Variants in C20orf96 observed in about 807,000 individuals in gnomAD.
The protein encoded by C20orf96 is chromosome 20 open reading frame 96, also known as uncharacterized protein C20orf96.
A neutral mutation model predicts 52.6 loss-of-function variants in C20orf96; 57 were observed. That is an observed-to-expected ratio of 1.08 (90% CI 0.88 to 1.35). The LOEUF (loss-of-function observed/expected upper bound fraction) is 1.35, where lower values mean the gene tolerates loss of function less well. Among genes scored for constraint, C20orf96 ranks in the 40% most tolerant of loss-of-function variants. The pLI, the probability that C20orf96 is intolerant of heterozygous loss-of-function variation, is 0.00. For synonymous variants in C20orf96, 168 were observed against 157.2 expected, an observed-to-expected ratio of 1.07 and a Z score of -0.51; for missense variants, 478 against 443.6, an observed-to-expected ratio of 1.08 and a Z score of -0.70.
rs755952776 is a variant in C20orf96 at position 276,811 on chromosome 20, G to A, written c.894C>T (p.Cys298=). Residue 298 remains cysteine, a synonymous_variant, in exon 9 of 11, where the codon TGC becomes TGT. Transcript: ENST00000360321. The part of the protein sequence containing the change: ...KMWESQDFLK[C]MQRFREIIDQ... ...CACGCACTTCTCTGAACCTTTGCAT[G>A]CATTTCAGGAAGTCCTGGCTTTCCC... The A allele has an allele frequency of 1.4e-5, 23 of 1,613,258 alleles. No individual in the cohort carries two copies. The highest frequency in any genetic ancestry group is 1.8e-5 in the Non-Finnish European group (21 of 1,179,636).
chr20:275,847 GCCCCT>G (rs202185362), intron 10 of C20orf96, 116 bp downstream of exon 10: 13,760 of 918,640 alleles, frequency 0.015, 131 homozygotes, highest in Non-Finnish European at 0.02. Context: ...ACCCAGGACC[GCCCCT>G]CCCTCCCTGT....
In C20orf96 at chr20:283,958, C is replaced by T. The variant is rs770965459; in HGVS notation, c.306+5G>A. On this transcript the variant is annotated splice_donor_5th_base_variant and intron_variant, in intron 4 of 10. Coordinates refer to ENST00000360321, the MANE Select transcript of C20orf96 (RefSeq NM_153269.3). ...CCCAGTGTCCAGGGAAGATGTGCCT[C>T]ATACCTTCATTAACCAGATTTTGGC... 4 of 1,600,768 alleles carry T rather than the reference C, an allele frequency of 2.5e-6. No homozygotes were observed. Among genetic ancestry groups the T allele is most frequent in the South Asian group, 1.1e-5 (1 of 90,778 alleles).
chr20:276,653 C>T (rs2012033631), intron 9 of C20orf96, 140 bp downstream of exon 9: 4 of 1,470,914 alleles, frequency 2.7e-6, no homozygotes, highest in East Asian at 2.5e-5. Context: ...GTAATGGCAC[C>T]GGCAAGGAGG....
chr20:281,953 C>A (rs2012265493), intron 4 of C20orf96, among the ~76,000 whole-genome samples: 1 of 152,156 alleles, frequency 6.6e-6, no homozygotes, highest in Non-Finnish European at 1.5e-5. Context: ...GATGACACAG[C>A]GAGACCCTGT....
intron 4 of C20orf96, among the ~76,000 whole-genome samples, chr20:281,121 A>C (rs1176281061): frequency 6.6e-6 from 1 of 152,068 alleles, no homozygotes; most frequent in Non-Finnish European, 1.5e-5. Flanking sequence ...ATGCCACCAC[A>C]CTCCAGCCCG....
At chr20:282,970 G>A (rs1276241245) in intron 4 of C20orf96, among the ~76,000 whole-genome samples, 1 of 152,010 alleles carries the variant, frequency 6.6e-6, no homozygotes, top group East Asian at 1.9e-4. Context: ...GGTTAAAGGG[G>A]AAAAAAAGGT....
chr20:278,105 G>T (rs2012088539), intron 6 of C20orf96, among the ~76,000 whole-genome samples: 1 of 152,234 alleles, frequency 6.6e-6, no homozygotes. Context: ...CTGAGTGTGT[G>T]CCTGTAACAA....
chr20:282,944 A>G (rs1314993368), intron 4 of C20orf96, among the ~76,000 whole-genome samples: 2 of 152,124 alleles, frequency 1.3e-5, no homozygotes, highest in East Asian at 1.9e-4. Context: ...CCTCTAAACC[A>G]TTTTGCAAGA....
intron 4 of C20orf96, among the ~76,000 whole-genome samples, chr20:281,906 G>A (rs1308373864): frequency 6.6e-6 from 1 of 152,188 alleles, no homozygotes; most frequent in East Asian, 1.9e-4. Flanking sequence ...GGTCCAGGCT[G>A]CAGTGAGCCA....
chr20:290,405 T>C, intron 1 of C20orf96, 98 bp from the exon 2 acceptor site: 3 of 1,562,834 alleles, frequency 1.9e-6, no homozygotes, highest in South Asian at 1.2e-5. Flanking sequence ...AACCAGAAAC[T>C]GCAGTTTACC....
intron 6 of C20orf96, 99 bp downstream of exon 6, chr20:278,231 C>T: frequency 3.4e-6 from 3 of 875,702 alleles, no homozygotes; most frequent in Non-Finnish European, 5.9e-6. Context: ...GCCAATGGGG[C>T]TGAGGGTTTC....
chr20:272,116 A>AC (rs11464031), intron 10 of C20orf96, among the ~76,000 whole-genome samples: 48,198 of 151,750 alleles, frequency 0.32, 8,512 homozygotes, highest in African/African-American at 0.49. Flanking sequence ...GAAAAAAAAA[A>AC]AATTTCTAAA....
At chr20:280,746 T>C (rs1394513405) in intron 4 of C20orf96, among the ~76,000 whole-genome samples, 2 of 152,220 alleles carry the variant, frequency 1.3e-5, no homozygotes, top group African/African-American at 4.8e-5. Context: ...AAATCCCAGC[T>C]CAGCCACTTA....
chr20:276,607 G>A (rs913051054), intron 9 of C20orf96, 186 bp downstream of exon 9: 6 of 985,406 alleles, frequency 6.1e-6, no homozygotes, highest in Non-Finnish European at 7.2e-6. Context: ...GCCTAGGTCA[G>A]TGCCAATCGC....
chr20:277,025 A>T lies in C20orf96; in HGVS notation c.825+19T>A. ...GTGAGACCTGGATCCCCGCTCCCAC[A>T]CAGCAACTGGCTACTCACCGCCACC... On this transcript the variant is annotated intron_variant, in intron 8 of 10. Transcript: ENST00000360321. 1 of 1,610,046 alleles carries T rather than the reference A, an allele frequency of 6.2e-7. No homozygotes were observed. Among genetic ancestry groups the T allele is most frequent in the Non-Finnish European group, 8.5e-7 (1 of 1,177,310 alleles).
At chr20:288,131 A>T (rs1449927172) in intron 3 of C20orf96, among the ~76,000 whole-genome samples, 1 of 110,104 alleles carries the variant, frequency 9.1e-6, no homozygotes, top group African/African-American at 3.4e-5. Context: ...CTTTGAGCTA[A>T]TTTTTATATT....
At chr20:274,644 T>C (rs2011957373) in intron 10 of C20orf96, among the ~76,000 whole-genome samples, 2 of 151,996 alleles carry the variant, frequency 1.3e-5, no homozygotes, top group South Asian at 4.2e-4. Flanking sequence ...CCGGAGACCC[T>C]GGCACCACCG....
chr20:276,638 T>G, intron 9 of C20orf96, 155 bp downstream of exon 9: 2 of 1,457,030 alleles, frequency 1.4e-6, no homozygotes, highest in African/African-American at 2.8e-5. Context: ...GAAAGACAAG[T>G]GACAGTAATG....
intron 3 of C20orf96, among the ~76,000 whole-genome samples, chr20:284,415 T>C (rs146629656): frequency 1.3e-5 from 2 of 152,312 alleles, no homozygotes; most frequent in African/African-American, 4.8e-5. Context: ...GTCTTTCCAG[T>C]AGCTACTGCA....
Sources: allele counts gnomAD v4.1 joint callset (sites outside exome capture counted in the v4.1 genomes callset), GRCh38; gene constraint gnomAD v4.1.1; transcripts MANE v1.5; gene names NCBI Gene and HGNC (gene_info 2026-07-23, HGNC 2026-07-21).